ZNF626: variants seen among roughly 807,000 people sequenced by gnomAD.
ZNF626 encodes the protein CTC-513N18.7.
In ZNF626, 4 loss-of-function variants were observed where a neutral mutation model predicts 11.7. The observed-to-expected ratio is 0.34, with a 90% CI of 0.17 to 0.78. The LOEUF (loss-of-function observed/expected upper bound fraction) is 0.78. ZNF626 is among the 30% of genes least tolerant of loss of function. ZNF626 has a pLI of 0.57. For synonymous variants in ZNF626, 179 were observed against 198.6 expected, an observed-to-expected ratio of 0.90 and a Z score of 0.83; for missense variants, 588 against 587.1, an observed-to-expected ratio of 1.00 and a Z score of -0.01.
intron 1 of ZNF626, among the ~76,000 whole-genome samples, chr19:20,647,094 C>T (rs1341574362): frequency 6.6e-6 from 1 of 152,278 alleles, no homozygotes; most frequent in East Asian, 1.9e-4. Flanking sequence ...GATCTGCCCA[C>T]TTTGGCCTCC....
chr19:20,632,258 T>C (rs1321021900), intron 3 of ZNF626, among the ~76,000 whole-genome samples: 1 of 152,186 alleles, frequency 6.6e-6, no homozygotes, highest in African/African-American at 2.4e-5. Flanking sequence ...AATCTGACAA[T>C]TATGTGTCTT....
intron 3 of ZNF626, among the ~76,000 whole-genome samples, chr19:20,639,237 C>G (rs1969997597): frequency 6.6e-6 from 1 of 152,138 alleles, no homozygotes; most frequent in East Asian, 1.9e-4. Flanking sequence ...CCCTGTGACC[C>G]AAACATGTCC....
At chr19:20,633,631 C>A (rs181540681) in intron 3 of ZNF626, among the ~76,000 whole-genome samples, 193 of 152,272 alleles carry the variant, frequency 1.3e-3, no homozygotes, top group Middle Eastern at 3.4e-3. Context: ...TTTTTTAAGC[C>A]CGTTGGAAAA....
At position 20,661,424 on chromosome 19, in the gene ZNF626, T is replaced by G. The variant is rs1970266983; in HGVS notation, c.3+20A>C. 1 of 1,613,868 alleles carries G rather than the reference T, an allele frequency of 6.2e-7. No homozygotes were observed. Among genetic ancestry groups the G allele is most frequent in the African/African-American group, 1.3e-5 (1 of 75,050 alleles). ...AACCAGTCCCTCTCCTCTCTCGGGA[T>G]GTCGGACCCTCACTCTCACCATTTT... On this transcript the variant is annotated intron_variant, in intron 1 of 3. Transcript: ENST00000601440.
rs1555769133 is a variant in ZNF626 at position 20,624,265 on chromosome 19, T to G, written c.*25A>C. On this transcript the variant is annotated 3_prime_UTR_variant, in exon 4 of 4. Transcript: ENST00000601440. Reference sequence around the variant, plus strand: ...AAAAGCTTTGTCACATTCTTCACATTTGTAGAATTTCTCTCCAGTATGAAT... The same window carrying G: ...AAAAGCTTTGTCACATTCTTCACATGTGTAGAATTTCTCTCCAGTATGAAT... The G allele has an allele frequency of 6.8e-6, 11 of 1,613,348 alleles. No individual in the cohort carries two copies. The highest frequency in any genetic ancestry group is 9.3e-6 in the Non-Finnish European group (11 of 1,179,732).
intron 1 of ZNF626, among the ~76,000 whole-genome samples, chr19:20,654,980 T>C (rs1260224866): frequency 1.3e-5 from 2 of 151,630 alleles, no homozygotes; most frequent in Non-Finnish European, 2.9e-5. Flanking sequence ...GGCATGGTGA[T>C]GCATGCCTGT....
chr19:20,647,920 A>C (rs1297159239), intron 1 of ZNF626, among the ~76,000 whole-genome samples: 2 of 152,086 alleles, frequency 1.3e-5, no homozygotes, highest in African/African-American at 4.8e-5. Flanking sequence ...ATGGTGGCTC[A>C]TGCCTGTGAT....
Position 20,624,265 on chromosome 19 carries a change from T to C in ZNF626, c.*25A>G, listed in dbSNP as rs1555769133. On this transcript the variant is annotated 3_prime_UTR_variant, in exon 4 of 4. Coordinates refer to ENST00000601440, the MANE Select transcript of ZNF626 (RefSeq NM_001076675.3). ...AAAAGCTTTGTCACATTCTTCACAT[T>C]TGTAGAATTTCTCTCCAGTATGAAT... is the stretch of plus-strand genomic sequence containing the variant. 1.9e-6 allele frequency: 3 copies of C among 1,613,466 alleles called. No individual in the cohort carries two copies. Among genetic ancestry groups the C allele is most frequent in the Non-Finnish European group, 2.5e-6 (3 of 1,179,724 alleles).
intron 3 of ZNF626, among the ~76,000 whole-genome samples, chr19:20,630,104 C>T (rs1336823061): frequency 2.6e-5 from 4 of 152,166 alleles, no homozygotes; most frequent in African/African-American, 9.7e-5. Context: ...TATGTCGAAC[C>T]AGCCTTGCAT....
At chr19:20,660,276 TTGCAGGCTTAATATTAGC>T (rs1970250898) in intron 1 of ZNF626, among the ~76,000 whole-genome samples, 1 of 150,860 alleles carries the variant, frequency 6.6e-6, no homozygotes, top group South Asian at 2.1e-4. Context: ...AAATACCCTG[TTGCAGGCTTAATATTAGC>T]CTTAGCTTGG....
intron 3 of ZNF626, among the ~76,000 whole-genome samples, chr19:20,628,069 G>A (rs1969861013): frequency 1.3e-5 from 2 of 152,078 alleles, no homozygotes; most frequent in African/African-American, 4.8e-5. Context: ...TGAGAATGAT[G>A]GTTTCCAGTT....
At chr19:20,646,450 G>A (rs781973560) in intron 1 of ZNF626, 45 bp from the exon 2 acceptor site, 13 of 1,612,038 alleles carry the variant, frequency 8.1e-6, no homozygotes, top group East Asian at 4.5e-5. Context: ...GGCCATGGGC[G>A]GAATTTTTAA....
chr19:20,641,319 T>G (rs1970022572), intron 3 of ZNF626, among the ~76,000 whole-genome samples: 1 of 152,094 alleles, frequency 6.6e-6, no homozygotes. Context: ...TAAAACAATC[T>G]TGTCACATTT....
intron 1 of ZNF626, among the ~76,000 whole-genome samples, chr19:20,657,947 G>T (rs1263461995): frequency 1.3e-5 from 2 of 152,126 alleles, no homozygotes; most frequent in African/African-American, 4.8e-5. Context: ...GCCTAGTTGA[G>T]GGGGGAGGGT....
rs368189126 is a variant in ZNF626, at chr19:20,623,252, A to G, written c.*1038T>C. The G allele has an allele frequency of 6.6e-6, 1 of 152,180 alleles. No individual in the cohort carries two copies. Among genetic ancestry groups the G allele is most frequent in the Non-Finnish European group, 1.5e-5 (1 of 68,042 alleles). The allele number at this position is 152,180 out of a possible 1,614,324, so 9.4% of individuals were successfully genotyped here. A position where few individuals can be genotyped will look rare whatever the true frequency, so the allele number is the denominator to read the frequency against. On this transcript the variant is annotated 3_prime_UTR_variant, in exon 4 of 4. Transcript: ENST00000601440. Reference sequence around the variant, plus strand: ...TCAAGGATAATAGCTTTCCTGCAAAATAAGATGTACACATTGATTAAAGGT... The same window carrying G: ...TCAAGGATAATAGCTTTCCTGCAAAGTAAGATGTACACATTGATTAAAGGT...
chr19:20,624,372 ATTCTCTCATGTGTAGTAAGGATTGAGG>A lies in ZNF626; in HGVS notation c.1478_1504del (p.Ser493_Ile502delinsPhe). ...ATTTGTAGAATTTCTCTCCAGTATGATTCTCTCATGTGTAGTAAGGATTGAGGACTGGTTGAAGGCTTTGCCACATTC... is the reference window on the plus strand; with the variant it reads ...ATTTGTAGAATTTCTCTCCAGTATGAACTGGTTGAAGGCTTTGCCACATTC... On this transcript the variant is annotated inframe_deletion, in exon 4 of 4. Transcript: ENST00000601440. 2 of 816,860 alleles carry A rather than the reference ATTCTCTCATGTGTAGTAAGGATTGAGG, an allele frequency of 2.4e-6. 1 individual carries two copies. 50.6% of individuals were successfully genotyped at this position (816,860 alleles called of 1,614,324 possible). A position where few individuals can be genotyped will look rare whatever the true frequency, so the allele number is the denominator to read the frequency against.
chr19:20,628,341 T>C (rs1969864392), intron 3 of ZNF626, among the ~76,000 whole-genome samples: 1 of 152,186 alleles, frequency 6.6e-6, no homozygotes, highest in African/African-American at 2.4e-5. Context: ...TCTAGATCCC[T>C]GAGGAATCAC....
intron 1 of ZNF626, among the ~76,000 whole-genome samples, chr19:20,659,559 AACTTT>A (rs1970241841): frequency 6.6e-6 from 1 of 152,028 alleles, no homozygotes; most frequent in Non-Finnish European, 1.5e-5. Flanking sequence ...TTCTTAATCA[AACTTT>A]ACTTAAGTTT....
At position 20,623,944 on chromosome 19, in the gene ZNF626, T is replaced by G; in HGVS notation, c.*346A>C. The G allele has an allele frequency of 2.6e-6, 1 of 378,234 alleles. No individual in the cohort carries two copies. 23.4% of individuals were successfully genotyped at this position (378,234 alleles called of 1,614,324 possible). A position where few individuals can be genotyped will look rare whatever the true frequency, so the allele number is the denominator to read the frequency against. ...TGTCACATTCTTTATATTTGTAGAG[T>G]TTATATTTCATATCAATTCTTAGTT... On this transcript the variant is annotated 3_prime_UTR_variant, in exon 4 of 4. Coordinates refer to ENST00000601440, the MANE Select transcript of ZNF626 (RefSeq NM_001076675.3).
Sources: allele counts gnomAD v4.1 joint callset (sites outside exome capture counted in the v4.1 genomes callset), GRCh38; gene constraint gnomAD v4.1.1; transcripts MANE v1.5; gene names NCBI Gene and HGNC (gene_info 2026-07-23, HGNC 2026-07-21).